CHST15: variants seen among roughly 807,000 people sequenced by gnomAD.
The protein encoded by CHST15 is B cell RAG associated protein (GALNAC4S-6ST).
A neutral mutation model predicts 53.6 loss-of-function variants in CHST15; 30 were observed. The ratio of observed to expected loss-of-function variants is 0.56; its 90% CI spans 0.42 to 0.76. The LOEUF is 0.76. Among genes scored for constraint, CHST15 ranks in the 30% least tolerant of loss-of-function variants. CHST15 has a pLI of 0.00. For synonymous variants in CHST15, 296 were observed against 289.8 expected, an observed-to-expected ratio of 1.02 and a Z score of -0.22; for missense variants, 627 against 740.5, an observed-to-expected ratio of 0.85 and a Z score of 1.78.
intron 5 of CHST15, among the ~76,000 whole-genome samples, chr10:124,037,604 C>G (rs1248497503): frequency 6.6e-6 from 1 of 152,122 alleles, no homozygotes; most frequent in Admixed American, 6.6e-5. Context: ...GTCCTGGCAG[C>G]CCTGAGATTC....
Position 124,086,273 on chromosome 10 carries a change from A to G in CHST15, c.-513+7196T>C, listed in dbSNP as rs114471223. 7.4e-3 allele frequency among the ~76,000 whole-genome samples: 1,127 copies of G among 152,140 alleles called. 12 individuals are homozygous for G. Among genetic ancestry groups the G allele is most frequent in the African/African-American group, 0.026 (1,088 of 41,488 alleles). ...ACGTACCTAACAGATGCCATTGACC[A>G]CCCTCCAACCGTGGGCCGGGCACGG... On this transcript the variant is annotated intron_variant, in intron 1 of 7. Coordinates refer to ENST00000435907, the MANE Select transcript of CHST15 (RefSeq NM_001270764.2).
At chr10:124,093,013 G>A (rs1233377921) in intron 1 of CHST15, among the ~76,000 whole-genome samples, 1 of 152,208 alleles carries the variant, frequency 6.6e-6, no homozygotes, top group Non-Finnish European at 1.5e-5. Flanking sequence ...TCGGTCCCCT[G>A]TCCCCTCGCT....
At chr10:124,041,486 T>C (rs1398705016) in intron 4 of CHST15, among the ~76,000 whole-genome samples, 10 of 152,168 alleles carry the variant, frequency 6.6e-5, no homozygotes, top group African/African-American at 9.7e-5. Context: ...TAATCCTGTA[T>C]TGCATGCTGG....
intron 1 of CHST15, among the ~76,000 whole-genome samples, chr10:124,084,285 C>T (rs1300947171): frequency 1.3e-5 from 2 of 152,204 alleles, no homozygotes; most frequent in Admixed American, 1.3e-4. Flanking sequence ...GCTGTCTTCT[C>T]ATCTGCCCTT....
At position 124,044,843 on chromosome 10, in the gene CHST15, T is replaced by G. The variant is rs778553481; in HGVS notation, c.623A>C (p.Asn208Thr). The G allele has an allele frequency of 4.6e-6, 7 of 1,530,172 alleles. No homozygotes were observed. The highest frequency in any genetic ancestry group is 4.9e-5 in the East Asian group (2 of 41,150). 94.8% of individuals were successfully genotyped at this position (1,530,172 alleles called of 1,614,324 possible). ...GTTGGTGAGGTAGGGGTCGGTGGTGTTCTGCCCCGAGAACTCCTCGTACCA... is the reference window on the plus strand; with the variant it reads ...GTTGGTGAGGTAGGGGTCGGTGGTGGTCTGCCCCGAGAACTCCTCGTACCA... ...PCWYEEFSGQ[N>T]TTDPYLTNSY... Residue 208 changes from asparagine to threonine, a missense_variant, in exon 3 of 8, where the codon AAC becomes ACC. Transcript: ENST00000435907.
chr10:124,055,858 A>G (rs899507554), intron 1 of CHST15, among the ~76,000 whole-genome samples: 2 of 152,184 alleles, frequency 1.3e-5, no homozygotes, highest in African/African-American at 2.4e-5. Context: ...AGCTCCTGGG[A>G]TCCCTGAGGA....
chr10:124,016,650 C>T (rs992505536), intron 6 of CHST15, among the ~76,000 whole-genome samples: 1 of 152,178 alleles, frequency 6.6e-6, no homozygotes, highest in Non-Finnish European at 1.5e-5. Flanking sequence ...CGCCAGCAGA[C>T]CCAGGATTGA....
intron 5 of CHST15, among the ~76,000 whole-genome samples, chr10:124,038,010 C>G (rs972585189): frequency 6.6e-6 from 1 of 152,220 alleles, no homozygotes; most frequent in African/African-American, 2.4e-5. Context: ...CCATCTGCAA[C>G]ATGTGTCAAC....
rs1948008298 is a variant in CHST15 at position 124,046,451 on chromosome 10, C to T, written c.-239G>A. ...AGTGATGTCCCAGAGTCATGTTCTA[C>T]AAGAGCCGCTGCAACCTCAGAGAAG... On this transcript the variant is annotated 5_prime_UTR_variant, in exon 2 of 8. Coordinates refer to ENST00000435907, the MANE Select transcript of CHST15 (RefSeq NM_001270764.2). 2.3e-6 allele frequency: 1 copy of T among 441,656 alleles called. No homozygotes were observed. The highest frequency in any genetic ancestry group is 4.0e-6 in the Non-Finnish European group (1 of 251,484). 27.4% of individuals were successfully genotyped at this position (441,656 alleles called of 1,614,324 possible). A position where few individuals can be genotyped will look rare whatever the true frequency, so the allele number is the denominator to read the frequency against.
chr10:124,042,617 G>A (rs963911854), intron 3 of CHST15, among the ~76,000 whole-genome samples, 170 bp from the exon 4 acceptor site: 3 of 152,138 alleles, frequency 2.0e-5, no homozygotes, highest in Admixed American at 2.0e-4. Flanking sequence ...ATGGGGGTGG[G>A]GGTCTATGCG....
intron 1 of CHST15, among the ~76,000 whole-genome samples, chr10:124,085,278 A>G (rs979993060): frequency 6.6e-6 from 1 of 152,252 alleles, no homozygotes; most frequent in Non-Finnish European, 1.5e-5. Context: ...CAGCCTCCAC[A>G]TTTCTCGCCT....
intron 5 of CHST15, among the ~76,000 whole-genome samples, chr10:124,027,179 G>A (rs9422267): frequency 0.42 from 63,796 of 152,022 alleles, 14,731 homozygotes; most frequent in Non-Finnish European, 0.52. Flanking sequence ...CTGTCGGCGC[G>A]GCCCCTCACA....
Position 124,008,194 on chromosome 10 carries a change from G to A in CHST15, c.*1955C>T, listed in dbSNP as rs75936743. ...AAGAAAAATCCCTTGTTGTAATTAT[G>A]GTTGGTGTGGAATAGTAAAATATGT... On this transcript the variant is annotated 3_prime_UTR_variant, in exon 8 of 8. Transcript: ENST00000435907. The A allele has an allele frequency of 6.3e-3, 7,687 of 1,228,738 alleles. 195 individuals carry two copies. Among genetic ancestry groups the A allele is most frequent in the African/African-American group, 0.061 (3,953 of 64,452 alleles). The allele number at this position is 1,228,738 out of a possible 1,614,324, so 76.1% of individuals were successfully genotyped here.
chr10:124,021,055 G>C (rs1443443171), intron 6 of CHST15: 2 of 1,441,522 alleles, frequency 1.4e-6, no homozygotes, highest in South Asian at 1.5e-5. Context: ...CAGCAGGGAG[G>C]AAGGCAGGAG....
intron 1 of CHST15, among the ~76,000 whole-genome samples, chr10:124,079,274 G>A (rs1241273647): frequency 1.3e-5 from 2 of 152,336 alleles, no homozygotes; most frequent in Non-Finnish European, 1.5e-5. Context: ...ACTTTGCAAT[G>A]TGACAAAGGA....
Position 124,045,128 on chromosome 10 carries a change from A to AAC in CHST15, c.547-210_547-209insGT, listed in dbSNP as rs1564882154. Among the ~76,000 whole-genome samples the AAC allele has an allele frequency of 6.4e-4, 92 of 144,866 alleles. 1 individual carries two copies. The highest frequency in any genetic ancestry group is 1.7e-3 in the African/African-American group (64 of 38,406). Reference sequence around the variant, plus strand: ...GCCGCCCCACAAAAAAAAAAAAAAAAAAAAAAAAAAAAAAAACTTGGAGAG... The same window carrying AAC: ...GCCGCCCCACAAAAAAAAAAAAAAAAACAAAAAAAAAAAAAAAACTTGGAGAG... On this transcript the variant is annotated intron_variant, in intron 2 of 7. Coordinates refer to ENST00000435907, the MANE Select transcript of CHST15 (RefSeq NM_001270764.2).
chr10:124,029,514 T>C (rs1947138865), intron 5 of CHST15, among the ~76,000 whole-genome samples: 1 of 152,096 alleles, frequency 6.6e-6, no homozygotes, highest in Non-Finnish European at 1.5e-5. Flanking sequence ...GAGCATCCAA[T>C]CACAGGGCCC....
chr10:124,061,696 C>T (rs929717340), intron 1 of CHST15, among the ~76,000 whole-genome samples: 4 of 152,136 alleles, frequency 2.6e-5, no homozygotes, highest in Admixed American at 6.5e-5. Flanking sequence ...AAATGTTGCA[C>T]AAAAAATGGT....
rs1038997666 is a variant in CHST15 at position 124,086,702 on chromosome 10, T to C, written c.-513+6767A>G. On this transcript the variant is annotated intron_variant, in intron 1 of 7. Transcript: ENST00000435907. ...TCCTCCTCCTCTATCTCTCCATAGG[T>C]TTAGACCTCACCCAGAAAAAAGTGA... 6.6e-5 allele frequency among the ~76,000 whole-genome samples: 10 copies of C among 151,820 alleles called. 1 individual carries two copies. Among genetic ancestry groups the C allele is most frequent in the African/African-American group, 2.4e-4 (10 of 41,284 alleles).
Sources: gnomAD v4.1 joint callset for allele counts (sites outside exome capture counted in the v4.1 genomes callset) on GRCh38, gnomAD v4.1.1 for gene constraint, MANE v1.5 for transcripts, NCBI Gene and HGNC (gene_info 2026-07-23, HGNC 2026-07-21) for gene names.